Variants in ADAD1 observed in about 807,000 individuals in gnomAD.
ADAD1 encodes adenosine deaminase domain containing 1.
In ADAD1, 46 loss-of-function variants were observed where a neutral mutation model predicts 66.8. The ratio of observed to expected loss-of-function variants is 0.69; its 90% CI spans 0.54 to 0.88. The LOEUF (loss-of-function observed/expected upper bound fraction) is 0.88, where lower values mean the gene tolerates loss of function less well. Ranked by LOEUF, ADAD1 falls within the 40% of genes least tolerant of loss-of-function variation. The pLI is 0.00. For synonymous variants in ADAD1, 248 were observed against 229.4 expected (o/e 1.08, Z -0.73); for missense variants, 617 against 681.8 (o/e 0.91, Z 1.06).
intron 5 of ADAD1, among the ~76,000 whole-genome samples, chr4:122,391,163 A>G (rs774077691): frequency 9.2e-5 from 14 of 151,942 alleles, no homozygotes; most frequent in South Asian, 2.1e-4. Context: ...TTCAGGCCCT[A>G]TTTATCTGAT....
Position 122,380,198 on chromosome 4 carries a change from T to C in ADAD1, c.129T>C (p.Ser43=), listed in dbSNP as rs1794821188. ...CACCCACAGGATGGTCCTCAGAAAGTTACGGCCTGTCCAAGATGGCATCCA... is the reference window on the plus strand; with the variant it reads ...CACCCACAGGATGGTCCTCAGAAAGCTACGGCCTGTCCAAGATGGCATCCA... ...ITTPTGWSSE[S]YGLSKMASKV... is the part of the protein sequence containing the mutation. Residue 43 remains serine (S), a synonymous_variant, in exon 3 of 13, where the codon AGT becomes AGC. Coordinates refer to ENST00000296513, the MANE Select transcript of ADAD1 (RefSeq NM_139243.4). The C allele has an allele frequency of 6.2e-7, 1 of 1,613,886 alleles. No individual in the cohort carries two copies. The highest frequency in any genetic ancestry group is 1.7e-5 in the Admixed American group (1 of 59,928).
intron 5 of ADAD1, among the ~76,000 whole-genome samples, chr4:122,388,238 GT>G (rs1204421827): frequency 6.6e-6 from 1 of 152,202 alleles, no homozygotes; most frequent in South Asian, 2.1e-4. Context: ...TGGTGAATAA[GT>G]TTTTTGATGT....
chr4:122,417,997 A>G (rs577437776), intron 11 of ADAD1, among the ~76,000 whole-genome samples: 1 of 152,336 alleles, frequency 6.6e-6, no homozygotes, highest in African/African-American at 2.4e-5. Context: ...ACAAAGCTGA[A>G]TAGAAAAGTC....
At chr4:122,402,078 T>A (rs1405789642) in intron 7 of ADAD1, among the ~76,000 whole-genome samples, 1 of 152,034 alleles carries the variant, frequency 6.6e-6, no homozygotes, top group East Asian at 1.9e-4. Flanking sequence ...AATTGTGTTA[T>A]TGTTTTATAG....
At chr4:122,391,990 A>G (rs375685929) in intron 5 of ADAD1, among the ~76,000 whole-genome samples, 5 of 152,318 alleles carry the variant, frequency 3.3e-5, no homozygotes, top group East Asian at 1.9e-4. Flanking sequence ...GATTACAAGC[A>G]TGAGCCAACA....
In ADAD1 at chr4:122,396,342, A is replaced by G. The variant is rs1328141320; in HGVS notation, c.689A>G (p.Tyr230Cys). ...LISNRSEYLK[Y>C]SSSLAAFIIE... ...TCTAATCGTTCAGAATACCTGAAAT[A>G]TAGCAGTTCATTGGCTGCTTTTATA... The change falls in exon 7 of 13, where the codon TAT becomes TGT. Residue 230 changes from tyrosine to cysteine, a missense_variant. Coordinates refer to ENST00000296513, the MANE Select transcript of ADAD1 (RefSeq NM_139243.4). The G allele has an allele frequency of 1.9e-6, 3 of 1,596,196 alleles. No individual in the cohort carries two copies. Among genetic ancestry groups the G allele is most frequent in the South Asian group, 2.3e-5 (2 of 86,780 alleles).
At chr4:122,411,671 A>G (rs1419888539) in intron 9 of ADAD1, among the ~76,000 whole-genome samples, 1 of 152,200 alleles carries the variant, frequency 6.6e-6, no homozygotes. Flanking sequence ...CTCAAAGGAA[A>G]TTCTCATTGG....
chr4:122,411,558 C>T (rs932823301), intron 9 of ADAD1, among the ~76,000 whole-genome samples, 166 bp downstream of exon 9: 2 of 152,072 alleles, frequency 1.3e-5, no homozygotes, highest in African/African-American at 2.4e-5. Context: ...TTTCCCTTCC[C>T]GTCAATCTAA....
At chr4:122,415,763 G>A (rs1904522) in intron 11 of ADAD1, 147 bp downstream of exon 11, 233,236 of 712,348 alleles carry the variant, frequency 0.33, 41,989 homozygotes, top group East Asian at 0.5. Flanking sequence ...TATGTTACAG[G>A]CATTGTACTA....
At chr4:122,411,659 C>T (rs535343299) in intron 9 of ADAD1, among the ~76,000 whole-genome samples, 26 of 152,196 alleles carry the variant, frequency 1.7e-4, no homozygotes, top group African/African-American at 5.5e-4. Flanking sequence ...ACTGACATGA[C>T]GCTCAAAGGA....
At chr4:122,401,471 C>T (rs1213326789) in intron 7 of ADAD1, among the ~76,000 whole-genome samples, 1 of 152,110 alleles carries the variant, frequency 6.6e-6, no homozygotes, top group East Asian at 1.9e-4. Context: ...GTATATTCTG[C>T]AGTTGTTGGA....
intron 3 of ADAD1, among the ~76,000 whole-genome samples, chr4:122,380,744 A>G (rs554540218): frequency 4.6e-5 from 7 of 152,292 alleles, no homozygotes; most frequent in African/African-American, 1.7e-4. Context: ...CTAAAATTCC[A>G]TGACCCTTGA....
At chr4:122,411,171 T>C in intron 8 of ADAD1, 51 bp from the exon 9 acceptor site, 1 of 1,397,056 alleles carries the variant, frequency 7.2e-7, no homozygotes, top group Non-Finnish European at 9.7e-7. Flanking sequence ...CTCATTAAGA[T>C]ATATCTTTTA....
In ADAD1 at chr4:122,411,370, T is replaced by A. The variant is rs770493348; in HGVS notation, c.997T>A (p.Ser333Thr). The change falls in exon 9 of 13, where the codon TCA becomes ACA. Residue 333 changes from serine to threonine, a missense_variant. Ser to Thr is a moderately conservative substitution (Grantham distance 58, BLOSUM62 1). Coordinates refer to ENST00000296513, the MANE Select transcript of ADAD1 (RefSeq NM_139243.4). ...TTACATGAACCAGTTGCCTAAAGGA[T>A]CAGCCCAGATTAAGTCACAGTTGTA... is the stretch of plus-strand genomic sequence containing the variant. Reference protein sequence around the residue: ...CLYMNQLPKGSAQIKSQLRLN... With the variant: ...CLYMNQLPKGTAQIKSQLRLN... 1.6e-5 allele frequency: 26 copies of A among 1,612,596 alleles called. No individual in the cohort carries two copies. The highest frequency in any genetic ancestry group is 8.9e-5 in the East Asian group (4 of 44,788).
In ADAD1 at chr4:122,381,057, A is replaced by G. The variant is rs1389217505; in HGVS notation, c.238A>G (p.Lys80Glu). 6.2e-7 allele frequency: 1 copy of G among 1,601,436 alleles called. No homozygotes were observed. Among genetic ancestry groups the G allele is most frequent in the East Asian group, 2.2e-5 (1 of 44,624 alleles). The change falls in exon 4 of 13, where the codon AAA (lysine) becomes GAA (glutamate). Residue 80 changes from lysine (K) to glutamate (E), a missense_variant. Coordinates refer to ENST00000296513, the MANE Select transcript of ADAD1 (RefSeq NM_139243.4). ...SSISNPVLPP[K>E]KIPKEFIMKY... ...TATTTCAAATCCTGTCCTTCCTCCA[A>G]AAAAAATACCTAAGGAATTTATAAT...
intron 5 of ADAD1, among the ~76,000 whole-genome samples, chr4:122,384,181 A>C (rs2150530241): frequency 1.3e-5 from 2 of 152,324 alleles, no homozygotes; most frequent in South Asian, 4.1e-4. Flanking sequence ...ATGTTGCTAA[A>C]CTGTCCGGTA....
intron 5 of ADAD1, among the ~76,000 whole-genome samples, chr4:122,389,060 A>G (rs1034499843): frequency 1.3e-5 from 2 of 152,034 alleles, no homozygotes; most frequent in Non-Finnish European, 2.9e-5. Flanking sequence ...ATTCTGGTAC[A>G]TTGTCTCTTT....
intron 7 of ADAD1, among the ~76,000 whole-genome samples, chr4:122,398,698 T>G (rs536966472): frequency 1.3e-5 from 2 of 152,172 alleles, no homozygotes; most frequent in South Asian, 4.1e-4. Flanking sequence ...TATTGCATTG[T>G]GGTTTTGATT....
In ADAD1 at chr4:122,415,736, CATT is replaced by C. The variant is rs1796703261; in HGVS notation, c.1487+122_1487+124del. 8 of 918,776 alleles carry C rather than the reference CATT, an allele frequency of 8.7e-6. No individual in the cohort carries two copies. In the South Asian group the frequency reaches 1.4e-4, roughly 16 times the overall value. 56.9% of individuals were successfully genotyped at this position (918,776 alleles called of 1,614,324 possible). On this transcript the variant is annotated intron_variant, in intron 11 of 12. Transcript: ENST00000296513. Reference sequence around the variant, plus strand: ...TTGAACTCTGAACAATAATTATTATCATTAGTCAAGTGTGACTATGTTACAGGC... The same window carrying C: ...TTGAACTCTGAACAATAATTATTATCAGTCAAGTGTGACTATGTTACAGGC...
Sources: gnomAD v4.1 joint callset for allele counts (sites outside exome capture counted in the v4.1 genomes callset) on GRCh38, gnomAD v4.1.1 for gene constraint, MANE v1.5 for transcripts, NCBI Gene and HGNC (gene_info 2026-07-23, HGNC 2026-07-21) for gene names.